UBE3C: variants seen among roughly 807,000 people sequenced by gnomAD.
UBE3C encodes the protein ubiquitin-protein ligase E3C.
Under a neutral mutation model 129.4 loss-of-function variants are expected in UBE3C, and 42 were observed. The ratio of observed to expected loss-of-function variants is 0.32; its 90% CI spans 0.25 to 0.42. The LOEUF (loss-of-function observed/expected upper bound fraction) is 0.42, where lower values mean the gene tolerates loss of function less well. Ranked by LOEUF, UBE3C falls within the 10% of genes least tolerant of loss-of-function variation. The pLI is 1.00. For synonymous variants in UBE3C, 510 were observed against 492.4 expected (o/e 1.04, Z -0.47); for missense variants, 1,049 against 1,319.1 (o/e 0.80, Z 3.17).
At chr7:157,153,413 C>T (rs1002004748) in intron 1 of UBE3C, among the ~76,000 whole-genome samples, 5 of 152,038 alleles carry the variant, frequency 3.3e-5, no homozygotes, top group Non-Finnish European at 7.4e-5. Context: ...TTCATCTTTT[C>T]TGGGCTTTTC....
chr7:157,207,670 A>T, intron 12 of UBE3C, 33 bp from the exon 13 acceptor site: 2 of 1,599,278 alleles, frequency 1.3e-6, no homozygotes, highest in Non-Finnish European at 1.7e-6. Context: ...AGATGGAAAA[A>T]GAAACAATAG....
intron 18 of UBE3C, among the ~76,000 whole-genome samples, chr7:157,246,068 T>C (rs550875118): frequency 6.6e-6 from 1 of 151,800 alleles, no homozygotes; most frequent in Admixed American, 6.6e-5. Context: ...AGTGGTACTC[T>C]AGATGTTTGC....
rs532264705 is a variant in UBE3C at position 157,163,986 on chromosome 7, T to G, written c.120+123T>G. On this transcript the variant is annotated intron_variant, in intron 2 of 22. Coordinates refer to ENST00000348165, the MANE Select transcript of UBE3C (RefSeq NM_014671.3). Reference sequence around the variant, plus strand: ...TTTTATATATGACAGAATGTGTGTGTATGTGTGTTTAGCTTTAGAAACATT... The same window carrying G: ...TTTTATATATGACAGAATGTGTGTGGATGTGTGTTTAGCTTTAGAAACATT... 70 of 874,714 alleles carry G rather than the reference T, an allele frequency of 8.0e-5. No homozygotes were observed. The East Asian group carries it at 1.4e-3, about 18-fold the overall frequency. 54.2% of individuals were successfully genotyped at this position (874,714 alleles called of 1,614,324 possible).
chr7:157,139,443 T>C (rs553323775), intron 1 of UBE3C, 105 bp downstream of exon 1: 4,903 of 361,516 alleles, frequency 0.014, 31 homozygotes, highest in South Asian at 0.056. Flanking sequence ...GGCCGAGACT[T>C]GGGGCTGGAT....
At chr7:157,225,685 A>C (rs1795856548) in intron 17 of UBE3C, 146 bp downstream of exon 17, 23 of 960,452 alleles carry the variant, frequency 2.4e-5, no homozygotes, top group Non-Finnish European at 3.2e-5. Context: ...ATGGCAGCTC[A>C]CACCTATAAT....
intron 18 of UBE3C, among the ~76,000 whole-genome samples, chr7:157,246,324 A>G (rs1345610813): frequency 6.6e-6 from 1 of 152,224 alleles, no homozygotes; most frequent in Admixed American, 6.5e-5. Context: ...AGTGGCTCAC[A>G]GTTGAAACGT....
At chr7:157,215,186 A>G (rs565281657) in intron 13 of UBE3C, among the ~76,000 whole-genome samples, 1 of 152,292 alleles carries the variant, frequency 6.6e-6, no homozygotes, top group Admixed American at 6.5e-5. Context: ...GCATGACCAA[A>G]TTGCTCGAAT....
At chr7:157,171,393 G>C (rs558241407) in intron 4 of UBE3C, among the ~76,000 whole-genome samples, 113 of 151,916 alleles carry the variant, frequency 7.4e-4, no homozygotes, top group Middle Eastern at 6.8e-3. Context: ...CTCCCAAAGT[G>C]GTAGAATTAT....
intron 1 of UBE3C, 40 bp downstream of exon 1, chr7:157,139,378 T>C (rs1404233762): frequency 6.7e-7 from 1 of 1,489,992 alleles, no homozygotes; most frequent in South Asian, 1.2e-5. Context: ...GCTCGGGGCC[T>C]GCGCGGCCGG....
intron 13 of UBE3C, 145 bp downstream of exon 13, chr7:157,208,080 TTTTTTTTTTTTTG>T (rs1323182222): frequency 2.3e-6 from 1 of 429,034 alleles, no homozygotes; most frequent in African/African-American, 4.9e-5. Context: ...TTTTTTTTTT[TTTTTTTTTTTTTG>T]ATACATGGAC....
chr7:157,235,051 C>T (rs953968946), intron 18 of UBE3C, among the ~76,000 whole-genome samples: 2 of 152,024 alleles, frequency 1.3e-5, no homozygotes, highest in South Asian at 2.1e-4. Context: ...ATTAGCTGGG[C>T]GTGGTGGTGC....
chr7:157,153,149 G>C (rs918170803), intron 1 of UBE3C, among the ~76,000 whole-genome samples: 10 of 152,138 alleles, frequency 6.6e-5, no homozygotes, highest in Non-Finnish European at 1.5e-4. Context: ...AGTGAGCAGA[G>C]ATCGCACCAC....
intron 2 of UBE3C, among the ~76,000 whole-genome samples, chr7:157,167,299 A>G (rs920181215): frequency 5.3e-5 from 8 of 152,100 alleles, no homozygotes; most frequent in Non-Finnish European, 2.9e-5. Context: ...GTGTTCTTGA[A>G]TCCCACAGTG....
intron 21 of UBE3C, 145 bp from the exon 22 acceptor site, chr7:157,256,769 T>C: frequency 1.1e-6 from 1 of 938,572 alleles, no homozygotes; most frequent in Middle Eastern, 3.2e-4. Flanking sequence ...CGTACACAGG[T>C]GATACACACA....
At chr7:157,147,935 C>T (rs530342254) in intron 1 of UBE3C, among the ~76,000 whole-genome samples, 3 of 152,132 alleles carry the variant, frequency 2.0e-5, no homozygotes, top group African/African-American at 7.2e-5. Flanking sequence ...TTAGATTGAG[C>T]TTGTTGATAT....
chr7:157,142,794 T>A (rs1261701720), intron 1 of UBE3C, among the ~76,000 whole-genome samples: 1 of 152,096 alleles, frequency 6.6e-6, no homozygotes, highest in African/African-American at 2.4e-5. Flanking sequence ...CTCCGCGTCC[T>A]GCAGTATATT....
chr7:157,150,826 A>T (rs1307944300), intron 1 of UBE3C, among the ~76,000 whole-genome samples: 1 of 152,230 alleles, frequency 6.6e-6, no homozygotes, highest in Admixed American at 6.5e-5. Flanking sequence ...CTAGTTGCTT[A>T]TTGCTGTGTA....
rs976161678 is a variant in UBE3C at position 157,170,458 on chromosome 7, T to C, written c.342+8T>C. ...GAAGACTCAAAACGTTTGGTGAGTG[T>C]TAACTACATTTTCACTTGTCCTCGT... On this transcript the variant is annotated splice_region_variant and intron_variant, in intron 4 of 22. Transcript: ENST00000348165. 1.3e-6 allele frequency: 2 copies of C among 1,525,036 alleles called. No homozygotes were observed. Among genetic ancestry groups the C allele is most frequent in the Non-Finnish European group, 1.8e-6 (2 of 1,141,932 alleles). 94.5% of individuals were successfully genotyped at this position (1,525,036 alleles called of 1,614,324 possible). A position where few individuals can be genotyped will look rare whatever the true frequency, so the allele number is the denominator to read the frequency against.
At chr7:157,197,745 T>C (rs1809162709) in intron 10 of UBE3C, 1 of 1,611,556 alleles carries the variant, frequency 6.2e-7, no homozygotes, top group African/African-American at 1.3e-5. Flanking sequence ...TACAATAAAG[T>C]TCCGGACATC....
Sources: allele counts gnomAD v4.1 joint callset (sites outside exome capture counted in the v4.1 genomes callset), GRCh38; gene constraint gnomAD v4.1.1; transcripts MANE v1.5; gene names NCBI Gene and HGNC (gene_info 2026-07-23, HGNC 2026-07-21).